Variants in CLUH observed in about 807,000 individuals in gnomAD.
CLUH encodes clustered mitochondria protein homolog.
A neutral mutation model predicts 139.3 loss-of-function variants in CLUH; 77 were observed. The ratio of observed to expected loss-of-function variants is 0.55; its 90% CI spans 0.46 to 0.67. The LOEUF is 0.67. CLUH is among the 30% of genes least tolerant of loss of function. The probability of loss-of-function intolerance (pLI) is 0.00; values close to 1 mark genes in which losing one functional copy is unlikely to be tolerated. For missense variants in CLUH, 1,876 were observed against 1,875.8 expected (o/e 1.00, Z 0.00); for synonymous variants, 999 against 801.6 (o/e 1.25, Z -4.16).
rs201008662 is a variant in CLUH, at chr17:2,695,360, C to T, written c.2544+14G>A. ...CCACAGCTCCCGTTCCGCCCCACCC[C>T]GGGCAGCACTCACAAAGACGTGGTC... is the stretch of plus-strand genomic sequence containing the variant. On this transcript the variant is annotated intron_variant, in intron 14 of 25. Coordinates refer to ENST00000651024, the MANE Select transcript of CLUH (RefSeq NM_001366661.1). 5.6e-6 allele frequency: 9 copies of T among 1,613,018 alleles called. No individual in the cohort carries two copies. The highest frequency in any genetic ancestry group is 2.2e-5 in the East Asian group (1 of 44,882).
At position 2,694,581 on chromosome 17, in the gene CLUH, G is replaced by C. The variant is rs1362801074; in HGVS notation, c.2853-17C>G. ...ACGGTCTCACTGAGGAGGGAGCAGG[G>C]GGCCTGAGCAGCCCAAGCACCGCCG... On this transcript the variant is annotated splice_polypyrimidine_tract_variant and intron_variant, in intron 16 of 25. Coordinates refer to ENST00000651024, the MANE Select transcript of CLUH (RefSeq NM_001366661.1). 6.4e-7 allele frequency: 1 copy of C among 1,561,588 alleles called. No individual in the cohort carries two copies. Among genetic ancestry groups the C allele is most frequent in the South Asian group, 1.2e-5 (1 of 84,740 alleles).
At position 2,706,150 on chromosome 17, in the gene CLUH, C is replaced by T. The variant is rs563151821; in HGVS notation, c.101-1586G>A. 6.6e-6 allele frequency among the ~76,000 whole-genome samples: 1 copy of T among 152,272 alleles called. No homozygotes were observed. Among genetic ancestry groups the T allele is most frequent in the East Asian group, 1.9e-4 (1 of 5,174 alleles). On this transcript the variant is annotated intron_variant, in intron 1 of 25. Transcript: ENST00000651024. The surrounding 1 kb of genome is among the most constrained non-coding windows in gnomAD (Gnocchi z 4.6). ...GGCTCTCAGGAGCGGGGACAGGTGC[C>T]TTTCCCAGAACTGTGTGGTCCCAAT... is the stretch of plus-strand genomic sequence containing the variant.
At position 2,706,211 on chromosome 17, in the gene CLUH, G is replaced by A. The variant is rs896389093; in HGVS notation, c.101-1647C>T. On this transcript the variant is annotated intron_variant, in intron 1 of 25. Coordinates refer to ENST00000651024, the MANE Select transcript of CLUH (RefSeq NM_001366661.1). The surrounding 1 kb of genome is among the most constrained non-coding windows in gnomAD (Gnocchi z 4.6). ...CAGAAACACGGAGCAGGAGCCTCAG[G>A]GAAGGGATGAGGCCAGTACGGAAAG... is the stretch of plus-strand genomic sequence containing the variant. Among the ~76,000 whole-genome samples, 1 of 152,128 alleles carries A rather than the reference G, an allele frequency of 6.6e-6. No homozygotes were observed. Among genetic ancestry groups the A allele is most frequent in the Non-Finnish European group, 1.5e-5 (1 of 68,026 alleles).
At chr17:2,692,752 C>T (rs370490531) in intron 20 of CLUH, 28 bp downstream of exon 20, 9 of 1,600,048 alleles carry the variant, frequency 5.6e-6, no homozygotes, top group Middle Eastern at 1.7e-4. Context: ...CCTCGCATCC[C>T]CCGGCGCGGG....
In CLUH at chr17:2,711,728, T is replaced by C. The variant is rs983259923; in HGVS notation, c.-67A>G. 3.0e-6 allele frequency: 2 copies of C among 670,836 alleles called. No homozygotes were observed. The highest frequency in any genetic ancestry group is 1.4e-4 in the East Asian group (1 of 7,322). The allele number at this position is 670,836 out of a possible 1,614,324, so 41.6% of individuals were successfully genotyped here. A position where few individuals can be genotyped will look rare whatever the true frequency, so the allele number is the denominator to read the frequency against. ...CGCCGCGCCACTAACCCAAGTGCCC[T>C]GCGCGCCGCGGCTGCTGAGGGAAGG... is the stretch of plus-strand genomic sequence containing the variant. On this transcript the variant is annotated 5_prime_UTR_variant, in exon 1 of 26. Coordinates refer to ENST00000651024, the MANE Select transcript of CLUH (RefSeq NM_001366661.1).
At chr17:2,693,818 A>AC in intron 19 of CLUH, 82 bp downstream of exon 19, 1 of 1,501,634 alleles carries the variant, frequency 6.7e-7, no homozygotes, top group South Asian at 1.3e-5. Flanking sequence ...CCTGGACTCC[A>AC]CCCACTCCTC....
At position 2,704,326 on chromosome 17, in the gene CLUH, C is replaced by G; in HGVS notation, c.303+36G>C. ...TCCAGCTCACCCTCCCCAGCAGGCT[C>G]AGGCCTGGCCCCCAGCACCCGTTCC... is the stretch of plus-strand genomic sequence containing the variant. On this transcript the variant is annotated intron_variant, in intron 2 of 25. Transcript: ENST00000651024. This position sits in a 1 kb window ranked among gnomAD's most constrained non-coding sequence, Gnocchi z 5.7. 6.3e-7 allele frequency: 1 copy of G among 1,588,812 alleles called. No homozygotes were observed. The highest frequency in any genetic ancestry group is 8.6e-7 in the Non-Finnish European group (1 of 1,166,580).
Position 2,690,665 on chromosome 17 carries a change from C to T in CLUH, c.3976G>A (p.Ala1326Thr), listed in dbSNP as rs528743275. Residue 1326 changes from alanine to threonine, a missense_variant, in exon 26 of 26, where the codon GCG becomes ACG. By Grantham distance (58) the Ala-to-Thr change is moderately conservative. This residue lies in a region of CLUH where 1,454 missense variants were observed against 1,384.4 expected (regional missense o/e 1.05). Coordinates refer to ENST00000651024, the MANE Select transcript of CLUH (RefSeq NM_001366661.1). ...EEPMATEPAP[A>T]GAPGDLGSQP... is the part of the protein sequence containing the mutation. Reference sequence around the variant, plus strand: ...GAGCCCAGGTCTCCTGGGGCCCCCGCTGGCGCGGGCTCGGTAGCCATGGGC... The same window carrying T: ...GAGCCCAGGTCTCCTGGGGCCCCCGTTGGCGCGGGCTCGGTAGCCATGGGC... 1 of 1,547,824 alleles carries T rather than the reference C, an allele frequency of 6.5e-7. No homozygotes were observed. The highest frequency in any genetic ancestry group is 1.4e-5 in the African/African-American group (1 of 70,402).
rs747203767 is a variant in CLUH at position 2,703,535 on chromosome 17, G to C, written c.304-46C>G. 2 of 1,588,508 alleles carry C rather than the reference G, an allele frequency of 1.3e-6. No individual in the cohort carries two copies. The highest frequency in any genetic ancestry group is 1.1e-5 in the South Asian group (1 of 89,380). On this transcript the variant is annotated intron_variant, in intron 2 of 25. Coordinates refer to ENST00000651024, the MANE Select transcript of CLUH (RefSeq NM_001366661.1). The surrounding 1 kb of genome is among the most constrained non-coding windows in gnomAD (Gnocchi z 4.2). ...CCACCCCGGTGAGAGAGCACGTAGCGGGGAGAGAAGGCCCCAACCGCCCCG... is the reference window on the plus strand; with the variant it reads ...CCACCCCGGTGAGAGAGCACGTAGCCGGGAGAGAAGGCCCCAACCGCCCCG...
chr17:2,695,629 C>A, intron 13 of CLUH, 103 bp from the exon 14 acceptor site: 3 of 1,385,594 alleles, frequency 2.2e-6, no homozygotes, highest in East Asian at 2.5e-5. Flanking sequence ...TGGAGAAGGA[C>A]CCCGAAGGCT....
Position 2,692,388 on chromosome 17 carries a change from C to T in CLUH, c.3533G>A (p.Gly1178Glu), listed in dbSNP as rs1480490131. ...NALAVSTKYH[G>E]PKALKVALSH... ...GAGGGCCACCTTGAGGGCCTTGGGC[C>T]CGTGGTACTTGGTGCTGACGGCCAG... Residue 1178 changes from glycine to glutamate, a missense_variant, in exon 22 of 26, where the codon GGG becomes GAG. Around this residue, in one of 3 missense-constraint regions of CLUH, gnomAD observed 1,454 missense variants for 1,384.4 expected, o/e 1.05. Transcript: ENST00000651024. 1 of 1,592,962 alleles carries T rather than the reference C, an allele frequency of 6.3e-7. No individual in the cohort carries two copies. Among genetic ancestry groups the T allele is most frequent in the East Asian group, 2.2e-5 (1 of 44,556 alleles).
chr17:2,702,375 G>A (rs966036122), intron 3 of CLUH, among the ~76,000 whole-genome samples: 2 of 152,164 alleles, frequency 1.3e-5, no homozygotes, highest in African/African-American at 4.8e-5. Flanking sequence ...GTGTCGGCTG[G>A]GCAGGGCTTT....
At chr17:2,694,822 T>TGCCCCCCCCCCCCCC in intron 16 of CLUH, 35 bp downstream of exon 16, 6 of 1,346,338 alleles carry the variant, frequency 4.5e-6, no homozygotes, top group Non-Finnish European at 6.0e-6. Context: ...ATCTGCCCAA[T>TGCCCCCCCCCCCCCC]CCCACCCACC....
intron 9 of CLUH, among the ~76,000 whole-genome samples, chr17:2,699,621 C>A (rs1202538089): frequency 2.0e-5 from 3 of 148,620 alleles, no homozygotes; most frequent in South Asian, 2.2e-4. Flanking sequence ...AGCCACTGTG[C>A]CTGGCTGAGA....
In CLUH at chr17:2,695,460, G is replaced by T. The variant is rs1280839980; in HGVS notation, c.2458C>A (p.Gln820Lys). The T allele has an allele frequency of 1.9e-6, 3 of 1,611,566 alleles. No homozygotes were observed. Among genetic ancestry groups the T allele is most frequent in the East Asian group, 4.5e-5 (2 of 44,870 alleles). ...DGATLAEVMR[Q>K]RGINMRYLGK... Reference sequence around the variant, plus strand: ...AGGTAGCGCATGTTGATGCCCCGCTGGCGCATCACCTCTGCCAGCGTTGCC... The same window carrying T: ...AGGTAGCGCATGTTGATGCCCCGCTTGCGCATCACCTCTGCCAGCGTTGCC... Residue 820 changes from glutamine to lysine, a missense_variant, in exon 14 of 26, where the codon CAG (glutamine) becomes AAG (lysine). Around this residue, in one of 3 missense-constraint regions of CLUH, gnomAD observed 1,454 missense variants for 1,384.4 expected, o/e 1.05. Transcript: ENST00000651024.
intron 13 of CLUH, chr17:2,695,820 G>A (rs940361613): frequency 6.9e-6 from 4 of 581,044 alleles, no homozygotes; most frequent in Non-Finnish European, 1.2e-5. Context: ...ACGGTGTTGG[G>A]GGAGCACCCA....
At position 2,707,103 on chromosome 17, in the gene CLUH, C is replaced by T. The variant is rs1023479698; in HGVS notation, c.101-2539G>A. Reference sequence around the variant, plus strand: ...CTCCTAGGAACCCCGAAGGTCTCCCCACCCCTGGATGAAGGCTGAGCGATC... The same window carrying T: ...CTCCTAGGAACCCCGAAGGTCTCCCTACCCCTGGATGAAGGCTGAGCGATC... On this transcript the variant is annotated intron_variant, in intron 1 of 25. Coordinates refer to ENST00000651024, the MANE Select transcript of CLUH (RefSeq NM_001366661.1). The surrounding 1 kb of genome is among the most constrained non-coding windows in gnomAD (Gnocchi z 7.4). 3 of 903,770 alleles carry T rather than the reference C, an allele frequency of 3.3e-6. No individual in the cohort carries two copies. The highest frequency in any genetic ancestry group is 4.0e-6 in the Non-Finnish European group (3 of 755,410). The allele number at this position is 903,770 out of a possible 1,614,324, so 56.0% of individuals were successfully genotyped here.
At chr17:2,693,778 TG>T in intron 19 of CLUH, 121 bp downstream of exon 19, 2 of 1,285,410 alleles carry the variant, frequency 1.6e-6, no homozygotes, top group Non-Finnish European at 2.1e-6. Context: ...AGGGGTGGCC[TG>T]GGCAGAACCA....
At position 2,701,129 on chromosome 17, in the gene CLUH, A is replaced by C. The variant is rs201739370; in HGVS notation, c.1025+11T>G. ...GCCATGAGACAAGGCGGGAGGGGAC[A>C]AAGGCACTACCTTTTCTTCTGCAGC... On this transcript the variant is annotated intron_variant, in intron 7 of 25. Coordinates refer to ENST00000651024, the MANE Select transcript of CLUH (RefSeq NM_001366661.1). 468 of 1,613,808 alleles carry C rather than the reference A, an allele frequency of 2.9e-4. No homozygotes were observed. Among genetic ancestry groups the C allele is most frequent in the Non-Finnish European group, 3.9e-4 (456 of 1,179,850 alleles).
Sources: allele counts gnomAD v4.1 joint callset (sites outside exome capture counted in the v4.1 genomes callset), GRCh38; gene constraint gnomAD v4.1.1; regional missense constraint gnomAD v4.1.1; non-coding constraint Gnocchi (gnomAD v3.1); transcripts MANE v1.5; gene names NCBI Gene and HGNC (gene_info 2026-07-23, HGNC 2026-07-21).